Variants in ZBTB10 observed in about 807,000 individuals in gnomAD.
ZBTB10 encodes the protein zinc finger and BTB domain containing 10, also known as zinc finger and BTB domain-containing protein 10.
A neutral mutation model predicts 76.4 loss-of-function variants in ZBTB10; 32 were observed. The observed-to-expected ratio is 0.42, with a 90% CI of 0.32 to 0.56. ZBTB10 has a LOEUF of 0.56. Ranked by LOEUF, ZBTB10 falls within the 20% of genes least tolerant of loss-of-function variation. ZBTB10 has a pLI of 0.14. For synonymous variants in ZBTB10, 523 were observed against 432.9 expected (o/e 1.21, Z -2.58); for missense variants, 1,057 against 1,098.5 (o/e 0.96, Z 0.53).
At chr8:80,508,247 C>T (rs187974) in intron 2 of ZBTB10, among the ~76,000 whole-genome samples, 67,935 of 152,068 alleles carry the variant, frequency 0.45, 19,618 homozygotes, top group African/African-American at 0.83. Flanking sequence ...CATATAAATG[C>T]CAGTCCCTGA....
intron 1 of ZBTB10, among the ~76,000 whole-genome samples, chr8:80,493,354 G>T (rs1388368189): frequency 6.6e-6 from 1 of 152,120 alleles, no homozygotes; most frequent in Non-Finnish European, 1.5e-5. Flanking sequence ...AGGATCTCTT[G>T]TCATGCTGAA....
intron 2 of ZBTB10, among the ~76,000 whole-genome samples, chr8:80,510,641 T>TGTGGGG (rs144657712): frequency 0.18 from 10,574 of 60,006 alleles, 426 homozygotes; most frequent in Middle Eastern, 0.35. Flanking sequence ...GTGAAACCAG[T>TGTGGGG]GTGTGTGTGT....
In ZBTB10 at chr8:80,525,858, T is replaced by A. The variant is rs6998725; in HGVS notation, c.*6330T>A. 0.23 allele frequency: 34,704 copies of A among 152,070 alleles called. 5,027 individuals are homozygous for A. Among genetic ancestry groups the A allele is most frequent in the African/African-American group, 0.41 (16,982 of 41,464 alleles). The allele number at this position is 152,070 out of a possible 1,614,324, so 9.4% of individuals were successfully genotyped here. ...TTAAGGATTTTGCCTATTAGTATCA[T>A]ATGGCATGTAGCTATCAAGCCAGTT... On this transcript the variant is annotated 3_prime_UTR_variant, in exon 6 of 6. Transcript: ENST00000455036.
chr8:80,486,948 GC>G lies in ZBTB10; in HGVS notation c.143del (p.Pro48ArgfsTer68). On this transcript the variant is annotated frameshift_variant, in exon 1 of 6. Coordinates refer to ENST00000455036, the MANE Select transcript of ZBTB10 (RefSeq NM_001105539.3). LOFTEE classifies it high-confidence loss of function. Reference protein sequence around the residue: ...AWPPQPQPRQPPPPAPPALQP... With the variant: ...AWPPQPQPRQXPPPAPPALQP... ...GGCCTCCGCAGCCCCAGCCGAGACA[GC>G]CCCCGCCGCCAGCGCCGCCCGCGCT... 1.3e-6 allele frequency: 2 copies of G among 1,513,110 alleles called. No individual in the cohort carries two copies. The highest frequency in any genetic ancestry group is 8.8e-7 in the Non-Finnish European group (1 of 1,135,406). 93.7% of individuals were successfully genotyped at this position (1,513,110 alleles called of 1,614,324 possible).
At chr8:80,492,993 C>T (rs1426169662) in intron 1 of ZBTB10, among the ~76,000 whole-genome samples, 2 of 151,648 alleles carry the variant, frequency 1.3e-5, no homozygotes, top group African/African-American at 2.4e-5. Flanking sequence ...GTGGGTGGAT[C>T]ACTTGAGGTC....
chr8:80,518,497 T>C lies in ZBTB10; in HGVS notation c.2055T>C (p.Tyr685=). ...CAGGTACTTCAAATGATTTCAAGTATGGATTGATACCAGGTGCTTCAAATG... is the reference window on the plus strand; with the variant it reads ...CAGGTACTTCAAATGATTTCAAGTACGGATTGATACCAGGTGCTTCAAATG... ...LIPGTSNDFK[Y]GLIPGASNDF... Residue 685 remains tyrosine (Y), a synonymous_variant, in exon 4 of 6, where the codon TAT becomes TAC. Coordinates refer to ENST00000455036, the MANE Select transcript of ZBTB10 (RefSeq NM_001105539.3). 6.4e-7 allele frequency: 1 copy of C among 1,553,630 alleles called. No homozygotes were observed. The highest frequency in any genetic ancestry group is 1.2e-5 in the South Asian group (1 of 84,212).
In ZBTB10 at chr8:80,519,510, TA is replaced by T; in HGVS notation, c.2599del (p.Met867CysfsTer3). 6.2e-7 allele frequency: 1 copy of T among 1,610,300 alleles called. No homozygotes were observed. Among genetic ancestry groups the T allele is most frequent in the Non-Finnish European group, 8.5e-7 (1 of 1,178,316 alleles). On this transcript the variant is annotated frameshift_variant, in exon 6 of 6. Coordinates refer to ENST00000455036, the MANE Select transcript of ZBTB10 (RefSeq NM_001105539.3). LOFTEE classifies it high-confidence loss of function. ...GATGGGATGAATCAGGAGAAGTTTG[TA>T]TGTCTCTAGATGATTAACTGACCTA... is the stretch of plus-strand genomic sequence containing the variant. The part of the protein sequence containing the change: ...SRWDESGEVC[M>X]SLDD
rs1563454464 is a variant in ZBTB10, at chr8:80,487,384, A to C, written c.574A>C (p.Ser192Arg). Residue 192 changes from serine to arginine, a missense_variant, in exon 1 of 6, where the codon AGC (serine) becomes CGC (arginine). Physicochemically the swap from Ser to Arg is moderately radical, Grantham distance 110. Transcript: ENST00000455036. Reference sequence around the variant, plus strand: ...CACCGAGGACGAGGAGGAGGGGGCGAGCCTGGGCGACGGCAGCGGGGCGGA... The same window carrying C: ...CACCGAGGACGAGGAGGAGGGGGCGCGCCTGGGCGACGGCAGCGGGGCGGA... ...DSTEDEEEGA[S>R]LGDGSGAEGG... 6.5e-7 allele frequency: 1 copy of C among 1,532,080 alleles called. No homozygotes were observed. Among genetic ancestry groups the C allele is most frequent in the Non-Finnish European group, 8.8e-7 (1 of 1,136,914 alleles). 94.9% of individuals were successfully genotyped at this position (1,532,080 alleles called of 1,614,324 possible).
rs563037911 is a variant in ZBTB10, at chr8:80,504,048, T to C, written c.1861+3666T>C. Among the ~76,000 whole-genome samples the C allele has an allele frequency of 2.6e-5, 4 of 152,234 alleles. No individual in the cohort carries two copies. In the Middle Eastern group the frequency reaches 0.01, roughly 388 times the overall value. ...CCCAAGGTCATTCAGCTAGTAAGAG[T>C]AGAAAGAGGCAGGTTGCATATTTAG... On this transcript the variant is annotated intron_variant, in intron 2 of 5. Transcript: ENST00000455036.
chr8:80,486,272 C>T lies in ZBTB10; in HGVS notation c.-539C>T, dbSNP rs1563453130. 1.1e-5 allele frequency: 11 copies of T among 1,016,070 alleles called. No individual in the cohort carries two copies. Among genetic ancestry groups the T allele is most frequent in the East Asian group, 1.1e-4 (1 of 9,386 alleles). The allele number at this position is 1,016,070 out of a possible 1,614,324, so 62.9% of individuals were successfully genotyped here. On this transcript the variant is annotated 5_prime_UTR_variant, in exon 1 of 6. Coordinates refer to ENST00000455036, the MANE Select transcript of ZBTB10 (RefSeq NM_001105539.3). Reference sequence around the variant, plus strand: ...AGGGCCTGGTCGGACGGAAACGCTCCGCCGGCTTTATTGTCGCTTCGTTAT... The same window carrying T: ...AGGGCCTGGTCGGACGGAAACGCTCTGCCGGCTTTATTGTCGCTTCGTTAT...
At chr8:80,515,877 T>C (rs1374274452) in intron 3 of ZBTB10, among the ~76,000 whole-genome samples, 8 of 152,244 alleles carry the variant, frequency 5.3e-5, no homozygotes, top group Middle Eastern at 3.2e-3. Context: ...CTTAAGTGTA[T>C]TGAATTACAA....
At chr8:80,485,835 G>C (rs1815429937), upstream of ZBTB10, 2 of 1,535,930 alleles carry the variant, frequency 1.3e-6, no homozygotes, top group South Asian at 1.2e-5. Flanking sequence ...CAAAGTCCCA[G>C]GTGAACTCGT....
At chr8:80,500,732 G>C (rs7005666) in intron 2 of ZBTB10, among the ~76,000 whole-genome samples, 30,952 of 152,044 alleles carry the variant, frequency 0.2, 4,161 homozygotes, top group African/African-American at 0.38. Context: ...ATCTTTAGTT[G>C]TAATATATAA....
chr8:80,487,075 G>A lies in ZBTB10; in HGVS notation c.265G>A (p.Glu89Lys), dbSNP rs1263505933. 7.3e-6 allele frequency: 11 copies of A among 1,516,416 alleles called. No homozygotes were observed. In the East Asian group the frequency reaches 1.1e-4, roughly 15 times the overall value. The allele number at this position is 1,516,416 out of a possible 1,614,324, so 93.9% of individuals were successfully genotyped here. ...ASAGPAAGAA[E>K]EAKELLLPQD... ...CGCCGGGCCGGCCGCCGGCGCCGCC[G>A]AGGAAGCCAAGGAGTTGCTGCTCCC... is the stretch of plus-strand genomic sequence containing the variant. Residue 89 changes from glutamate to lysine, a missense_variant, in exon 1 of 6, where the codon GAG becomes AAG. Around this residue, in one of 5 missense-constraint regions of ZBTB10, gnomAD observed 556 missense variants for 451.7 expected, o/e 1.23. Coordinates refer to ENST00000455036, the MANE Select transcript of ZBTB10 (RefSeq NM_001105539.3).
intron 1 of ZBTB10, among the ~76,000 whole-genome samples, chr8:80,488,284 A>G (rs1303751923): frequency 6.6e-6 from 1 of 152,220 alleles, no homozygotes; most frequent in Non-Finnish European, 1.5e-5. Flanking sequence ...TCTTTATATG[A>G]AATCAAAATA....
chr8:80,510,594 T>C (rs1001608802), intron 2 of ZBTB10, among the ~76,000 whole-genome samples: 1 of 151,936 alleles, frequency 6.6e-6, no homozygotes, highest in African/African-American at 2.4e-5. Flanking sequence ...ATACCACTCA[T>C]GTACCTGCCA....
At chr8:80,505,933 T>TTTTTAAGTAAAGGTGACTTTAC in intron 2 of ZBTB10, among the ~76,000 whole-genome samples, 1 of 151,196 alleles carries the variant, frequency 6.6e-6, no homozygotes, top group South Asian at 2.1e-4. Context: ...TTTTTTTTTT[T>TTTTTAAGTAAAGGTGACTTTAC]TTTTTTAAGT....
intron 1 of ZBTB10, among the ~76,000 whole-genome samples, chr8:80,494,386 G>A (rs937552775): frequency 2.0e-5 from 3 of 152,028 alleles, no homozygotes; most frequent in Admixed American, 6.6e-5. Context: ...CTCTACCCCC[G>A]CAAAAGTGTA....
At chr8:80,514,613 C>T (rs368414057) in intron 3 of ZBTB10, among the ~76,000 whole-genome samples, 1 of 152,192 alleles carries the variant, frequency 6.6e-6, no homozygotes, top group African/African-American at 2.4e-5. Context: ...ATGGGCTTGT[C>T]CCCCTATGAT....
Sources: allele counts gnomAD v4.1 joint callset (sites outside exome capture counted in the v4.1 genomes callset), GRCh38; gene constraint gnomAD v4.1.1; regional missense constraint gnomAD v4.1.1; transcripts MANE v1.5; gene names NCBI Gene and HGNC (gene_info 2026-07-23, HGNC 2026-07-21).